ULK2: variants seen among roughly 807,000 people sequenced by gnomAD.
ULK2 encodes unc-51 like autophagy activating kinase 2.
A neutral mutation model predicts 127.5 loss-of-function variants in ULK2; 76 were observed. That is an observed-to-expected ratio of 0.60 (90% confidence interval 0.50 to 0.72). The LOEUF (loss-of-function observed/expected upper bound fraction) is 0.72. Ranked by LOEUF, ULK2 falls within the 30% of genes least tolerant of loss-of-function variation. The pLI, the probability that ULK2 is intolerant of heterozygous loss-of-function variation, is 0.00. For missense variants in ULK2, 1,144 were observed against 1,295.9 expected, an observed-to-expected ratio of 0.88 and a Z score of 1.80; for synonymous variants, 452 against 461.9, an observed-to-expected ratio of 0.98 and a Z score of 0.28.
At chr17:19,824,288 T>C (rs1324959856) in intron 12 of ULK2, among the ~76,000 whole-genome samples, 2 of 151,484 alleles carry the variant, frequency 1.3e-5, no homozygotes, top group African/African-American at 2.4e-5. Context: ...CTACAAAAGA[T>C]ACAAAAAATT....
chr17:19,831,117 A>C (rs969843020), intron 10 of ULK2, among the ~76,000 whole-genome samples: 1 of 152,056 alleles, frequency 6.6e-6, no homozygotes, highest in African/African-American at 2.4e-5. Flanking sequence ...GTTTCAAAAA[A>C]CTTACAATCA....
chr17:19,786,174 A>T, intron 20 of ULK2, 88 bp from the exon 21 acceptor site: 1 of 1,308,248 alleles, frequency 7.6e-7, no homozygotes, highest in Non-Finnish European at 1.0e-6. Context: ...TGACTTTTAT[A>T]TCAGGAGTCT....
Position 19,814,413 on chromosome 17 carries a change from T to TAC in ULK2, c.1096+2335_1096+2336insGT, listed in dbSNP as rs1313093995. On this transcript the variant is annotated intron_variant, in intron 13 of 26. Transcript: ENST00000395544. ...ACAAGAATGTCTGTTATTATATACA[T>TAC]ATATATATATATATATATATATATA... Among the ~76,000 whole-genome samples the TAC allele has an allele frequency of 9.7e-3, 331 of 34,266 alleles. 11 individuals carry two copies. Among genetic ancestry groups the TAC allele is most frequent in the African/African-American group, 0.044 (324 of 7,374 alleles). 22.5% of individuals were successfully genotyped at this position (34,266 alleles called of 152,430 possible).
chr17:19,802,598 G>C (rs555317360), intron 15 of ULK2, among the ~76,000 whole-genome samples: 1 of 152,182 alleles, frequency 6.6e-6, no homozygotes, highest in Non-Finnish European at 1.5e-5. Flanking sequence ...TATTTTGAGT[G>C]AAGAATATGA....
At chr17:19,818,039 A>ACCTGTAATTCCAGCACTTTGGG (rs1245528353) in intron 12 of ULK2, among the ~76,000 whole-genome samples, 2 of 152,004 alleles carry the variant, frequency 1.3e-5, no homozygotes, top group African/African-American at 4.8e-5. Flanking sequence ...CACGGCTCAC[A>ACCTGTAATTCCAGCACTTTGGG]CCTGTAATTC....
intron 10 of ULK2, among the ~76,000 whole-genome samples, 174 bp downstream of exon 10, chr17:19,838,327 C>T (rs1258794646): frequency 4.6e-5 from 7 of 151,922 alleles, no homozygotes; most frequent in African/African-American, 7.3e-5. Context: ...CTCTATCTCT[C>T]GTACCTAGAA....
intron 3 of ULK2, among the ~76,000 whole-genome samples, chr17:19,860,594 G>A (rs570180823): frequency 6.7e-5 from 10 of 148,256 alleles, no homozygotes; most frequent in South Asian, 2.1e-4. Context: ...GCGCGATCTC[G>A]GCTCACTGCA....
intron 14 of ULK2, among the ~76,000 whole-genome samples, chr17:19,806,476 C>T (rs577643617): frequency 3.5e-4 from 53 of 152,304 alleles, no homozygotes; most frequent in Admixed American, 5.2e-4. Context: ...GCTTCTCTAA[C>T]ACCTCTGGTT....
At chr17:19,786,386 T>TA (rs1334660748) in intron 20 of ULK2, among the ~76,000 whole-genome samples, 1 of 152,024 alleles carries the variant, frequency 6.6e-6, no homozygotes, top group Non-Finnish European at 1.5e-5. Flanking sequence ...AAGACAGTAC[T>TA]AAAAAAATGA....
In ULK2 at chr17:19,867,445, C is replaced by CG. The variant is rs758236221; in HGVS notation, c.-29dup. ...CCGCGCCCCCGGGGCACACAGCGGA[C>CG]GGGCGGGCGGCGCAGTGCGGCGCAG... On this transcript the variant is annotated 5_prime_UTR_variant, in exon 1 of 27. Transcript: ENST00000395544. The CG allele has an allele frequency of 2.9e-5, 45 of 1,576,646 alleles. No homozygotes were observed. In the East Asian group the frequency reaches 1.1e-3, roughly 39 times the overall value.
Position 19,867,365 on chromosome 17 carries a change from C to T in ULK2, c.53G>A (p.Gly18Glu), listed in dbSNP as rs1450876552. 3 of 1,603,400 alleles carry T rather than the reference C, an allele frequency of 1.9e-6. No homozygotes were observed. Among genetic ancestry groups the T allele is most frequent in the Non-Finnish European group, 2.6e-6 (3 of 1,176,066 alleles). Reference sequence around the variant, plus strand: ...CCCCCGGAAGACCACGGCGAAGGCCCCGTGTCCCACGAGATCCCTCTTGCT... The same window carrying T: ...CCCCCGGAAGACCACGGCGAAGGCCTCGTGTCCCACGAGATCCCTCTTGCT... ...EYSKRDLVGHGAFAVVFRGRH... is the reference protein window; with the variant it reads ...EYSKRDLVGHEAFAVVFRGRH... The change falls in exon 1 of 27, where the codon GGG becomes GAG. Residue 18 changes from glycine to glutamate, a missense_variant. Physicochemically the swap from Gly to Glu is moderately conservative, Grantham distance 98. Transcript: ENST00000395544.
intron 3 of ULK2, chr17:19,855,958 T>G (rs2042118083): frequency 6.6e-6 from 1 of 151,242 alleles, no homozygotes; most frequent in Non-Finnish European, 1.5e-5. Flanking sequence ...GAGGCTGCAG[T>G]GAGATATGAT....
At position 19,797,429 on chromosome 17, in the gene ULK2, A is replaced by G; in HGVS notation, c.1776T>C (p.Thr592=). The G allele has an allele frequency of 6.2e-7, 1 of 1,613,728 alleles. No individual in the cohort carries two copies. Among genetic ancestry groups the G allele is most frequent in the South Asian group, 1.1e-5 (1 of 90,998 alleles). ...GAGAGCCAATGATTGTTGGCAAAGGAGTTTTAAAGAACCAGTCAGAACTCC... is the reference window on the plus strand; with the variant it reads ...GAGAGCCAATGATTGTTGGCAAAGGGGTTTTAAAGAACCAGTCAGAACTCC... The part of the protein sequence containing the change: ...SPRSSDWFFK[T]PLPTIIGSPT... Residue 592 remains threonine (T), a synonymous_variant, in exon 18 of 27, where the codon ACT becomes ACC. Coordinates refer to ENST00000395544, the MANE Select transcript of ULK2 (RefSeq NM_014683.4).
At position 19,867,926 on chromosome 17, in the gene ULK2, C is replaced by G. The variant is rs1230851818; in HGVS notation, c.-509G>C. The G allele has an allele frequency of 2.0e-5, 3 of 151,562 alleles. No homozygotes were observed. The highest frequency in any genetic ancestry group is 6.6e-5 in the Admixed American group (1 of 15,218). The allele number at this position is 151,562 out of a possible 1,614,324, so 9.4% of individuals were successfully genotyped here. On this transcript the variant is annotated 5_prime_UTR_variant, in exon 1 of 27. Transcript: ENST00000395544. ...AACGCCCTCGCGCGCGCTACCCGCT[C>G]CCGCGCGACTGGCTGCCCTCCGCGA...
At chr17:19,776,653 T>G (rs2086817119) in intron 26 of ULK2, among the ~76,000 whole-genome samples, 1 of 152,132 alleles carries the variant, frequency 6.6e-6, no homozygotes, top group African/African-American at 2.4e-5. Flanking sequence ...CATCCTCCTG[T>G]GGCTACTCAA....
chr17:19,797,661 T>G lies in ULK2; in HGVS notation c.1544A>C (p.Gln515Pro), dbSNP rs1446257031. 5 of 1,543,920 alleles carry G rather than the reference T, an allele frequency of 3.2e-6. No homozygotes were observed. The highest frequency in any genetic ancestry group is 4.4e-6 in the Non-Finnish European group (5 of 1,143,936). The change falls in exon 18 of 27, where the codon CAG (glutamine) becomes CCG (proline). Residue 515 changes from glutamine (Q) to proline (P), a missense_variant. Around this residue, in one of 2 missense-constraint regions of ULK2, gnomAD observed 913 missense variants for 970.5 expected, o/e 0.94. Coordinates refer to ENST00000395544, the MANE Select transcript of ULK2 (RefSeq NM_014683.4). ...NSSGSPVPQAQSPQSLLSGAR... is the reference protein window; with the variant it reads ...NSSGSPVPQAPSPQSLLSGAR... ...ACCCGATAAGAGAGACTGTGGGGAC[T>G]GAGCTTGTGGCACTGGAGAACCTAA...
intron 10 of ULK2, among the ~76,000 whole-genome samples, chr17:19,836,116 A>C (rs1314753079): frequency 6.6e-6 from 1 of 151,894 alleles, no homozygotes; most frequent in Non-Finnish European, 1.5e-5. Context: ...AAAAAAAAAA[A>C]AAACAAAAAT....
chr17:19,848,155 T>C (rs974701195), intron 5 of ULK2: 6 of 151,938 alleles, frequency 3.9e-5, no homozygotes, highest in African/African-American at 7.2e-5. Flanking sequence ...AAGAAAAAAA[T>C]TATGAAAACT....
At position 19,782,059 on chromosome 17, in the gene ULK2, G is replaced by C. The variant is rs199762852; in HGVS notation, c.2469C>G (p.His823Gln). 2 of 1,613,590 alleles carry C rather than the reference G, an allele frequency of 1.2e-6. No individual in the cohort carries two copies. Among genetic ancestry groups the C allele is most frequent in the Non-Finnish European group, 1.7e-6 (2 of 1,179,808 alleles). Residue 823 changes from histidine (H) to glutamine (Q), a missense_variant, in exon 23 of 27, where the codon CAC becomes CAG. By Grantham distance (24) the His-to-Gln change is conservative. Around this residue, in one of 2 missense-constraint regions of ULK2, gnomAD observed 913 missense variants for 970.5 expected, o/e 0.94. Transcript: ENST00000395544. ...CATTCAGATGGCGTAAGGTGTCTGT[G>C]TGTTCCCGCTGCAGCAAAGTCAATT... ...LPEETLMERE[H>Q]TDTLRHLNVM... is the part of the protein sequence containing the mutation.
Sources: allele counts gnomAD v4.1 joint callset (sites outside exome capture counted in the v4.1 genomes callset), GRCh38; gene constraint gnomAD v4.1.1; regional missense constraint gnomAD v4.1.1; transcripts MANE v1.5; gene names NCBI Gene and HGNC (gene_info 2026-07-23, HGNC 2026-07-21).